TM9SF4: variants seen among roughly 807,000 people sequenced by gnomAD.
TM9SF4 encodes transmembrane 9 superfamily member 4.
Under a neutral mutation model 90.4 loss-of-function variants are expected in TM9SF4, and 26 were observed. The observed-to-expected ratio is 0.29, with a 90% confidence interval of 0.21 to 0.40. The LOEUF (loss-of-function observed/expected upper bound fraction) is 0.40. TM9SF4 is among the 10% of genes least tolerant of loss of function. The pLI, the probability that TM9SF4 is intolerant of heterozygous loss-of-function variation, is 1.00. For synonymous variants in TM9SF4, 293 were observed against 315.4 expected (o/e 0.93, Z 0.75); for missense variants, 549 against 834.8 (o/e 0.66, Z 4.22).
At chr20:32,126,395 T>C (rs1216324829) in intron 1 of TM9SF4, among the ~76,000 whole-genome samples, 3 of 152,236 alleles carry the variant, frequency 2.0e-5, no homozygotes, top group Non-Finnish European at 4.4e-5. Flanking sequence ...CAAAAACTCA[T>C]AGTTGCCACC....
At chr20:32,109,872 T>C in intron 1 of TM9SF4, 117 bp downstream of exon 1, 2 of 1,530,482 alleles carry the variant, frequency 1.3e-6, no homozygotes, top group Non-Finnish European at 1.8e-6. Flanking sequence ...GACTCAGGCC[T>C]GAGGGCTACC....
chr20:32,110,009 G>A (rs1428833171), intron 1 of TM9SF4: 3 of 1,400,856 alleles, frequency 2.1e-6, no homozygotes, highest in East Asian at 2.6e-5. Context: ...GCCTTCGCCG[G>A]TTCCCATTCT....
chr20:32,133,400 T>C (rs1224227828), intron 2 of TM9SF4, among the ~76,000 whole-genome samples: 2 of 152,154 alleles, frequency 1.3e-5, no homozygotes, highest in Non-Finnish European at 2.9e-5. Flanking sequence ...TCTGTCTCTG[T>C]CATGTATGTG....
At chr20:32,155,363 G>A (rs533425718) in intron 13 of TM9SF4, among the ~76,000 whole-genome samples, 177 bp downstream of exon 13, 3 of 152,354 alleles carry the variant, frequency 2.0e-5, no homozygotes, top group East Asian at 3.9e-4. Flanking sequence ...TGCCCTTGGT[G>A]TGTCATGCCC....
intron 3 of TM9SF4, 117 bp downstream of exon 3, chr20:32,136,290 C>T: frequency 2.1e-6 from 2 of 946,914 alleles, no homozygotes; most frequent in South Asian, 1.6e-5. Context: ...ACATTGTTTG[C>T]ATACCTGTTA....
At chr20:32,146,964 C>A in intron 9 of TM9SF4, 109 bp downstream of exon 9, 10 of 1,003,188 alleles carry the variant, frequency 1.0e-5, no homozygotes, top group African/African-American at 1.7e-5. Context: ...CCTCAAAATA[C>A]TAAAACAGTT....
intron 1 of TM9SF4, among the ~76,000 whole-genome samples, chr20:32,118,242 G>T (rs1338220792): frequency 6.6e-6 from 1 of 152,060 alleles, no homozygotes; most frequent in Non-Finnish European, 1.5e-5. Flanking sequence ...AGAGGGATTT[G>T]TGACACCCTC....
At chr20:32,126,816 A>C (rs1038299849) in intron 1 of TM9SF4, among the ~76,000 whole-genome samples, 2 of 151,702 alleles carry the variant, frequency 1.3e-5, no homozygotes, top group African/African-American at 4.8e-5. Context: ...GCTCACTGCA[A>C]CCTGCGCCTC....
intron 2 of TM9SF4, among the ~76,000 whole-genome samples, chr20:32,135,336 A>G (rs2046579235): frequency 6.6e-6 from 1 of 152,198 alleles, no homozygotes; most frequent in Non-Finnish European, 1.5e-5. Flanking sequence ...CATTCAGCAA[A>G]CATTTAATGA....
At chr20:32,121,952 C>T (rs1178796973) in intron 1 of TM9SF4, among the ~76,000 whole-genome samples, 42 of 142,890 alleles carry the variant, frequency 2.9e-4, no homozygotes, top group East Asian at 6.5e-4. Flanking sequence ...AGCTCCCTCC[C>T]GGACGGGGCG....
intron 1 of TM9SF4, among the ~76,000 whole-genome samples, chr20:32,129,532 A>T (rs1600800254): frequency 6.6e-6 from 1 of 152,306 alleles, no homozygotes; most frequent in South Asian, 2.1e-4. Flanking sequence ...ATGACCATTT[A>T]AATGGACATA....
intron 14 of TM9SF4, 105 bp from the exon 15 acceptor site, chr20:32,158,346 C>A: frequency 9.1e-7 from 1 of 1,098,540 alleles, no homozygotes; most frequent in Non-Finnish European, 1.4e-6. Context: ...GAATTAGCAC[C>A]ACCACACTCG....
intron 1 of TM9SF4, among the ~76,000 whole-genome samples, chr20:32,119,078 G>A (rs1016546554): frequency 2.6e-5 from 4 of 152,136 alleles, no homozygotes; most frequent in East Asian, 1.9e-4. Context: ...TGGATCAGGC[G>A]CAGTGGCTCA....
chr20:32,121,845 C>T (rs2046313848), intron 1 of TM9SF4, among the ~76,000 whole-genome samples: 1 of 150,078 alleles, frequency 6.7e-6, no homozygotes, highest in Non-Finnish European at 1.5e-5. Flanking sequence ...AACCCCCCAC[C>T]TCCCTCCCGG....
intron 1 of TM9SF4, among the ~76,000 whole-genome samples, chr20:32,122,743 T>C (rs1248611848): frequency 6.6e-6 from 1 of 150,550 alleles, no homozygotes; most frequent in East Asian, 2.0e-4. Context: ...CAGGCAAAGA[T>C]GCTCCTCACT....
At chr20:32,140,177 T>A (rs1484385510) in intron 3 of TM9SF4, among the ~76,000 whole-genome samples, 8 of 152,194 alleles carry the variant, frequency 5.3e-5, no homozygotes, top group African/African-American at 1.7e-4. Flanking sequence ...ACCAAGTGCA[T>A]GTGGAGGTGT....
At chr20:32,136,313 C>T in intron 3 of TM9SF4, 140 bp downstream of exon 3, 1 of 769,676 alleles carries the variant, frequency 1.3e-6, no homozygotes, top group Non-Finnish European at 2.1e-6. Flanking sequence ...TTATTTAAAC[C>T]TCATAACAGC....
Position 32,150,781 on chromosome 20 carries a change from C to T in TM9SF4, c.1170-19C>T, listed in dbSNP as rs961274593. On this transcript the variant is annotated intron_variant, in intron 11 of 17. Coordinates refer to ENST00000398022, the MANE Select transcript of TM9SF4 (RefSeq NM_014742.4). ...GCTAATGGGTCCCCTTGGTGTGGATCCCTGCCATTTTCCCACAGGGTGTTT... is the reference window on the plus strand; with the variant it reads ...GCTAATGGGTCCCCTTGGTGTGGATTCCTGCCATTTTCCCACAGGGTGTTT... The T allele has an allele frequency of 1.9e-6, 3 of 1,614,242 alleles. No individual in the cohort carries two copies. The highest frequency in any genetic ancestry group is 1.3e-5 in the African/African-American group (1 of 75,060).
intron 17 of TM9SF4, among the ~76,000 whole-genome samples, chr20:32,165,002 T>C (rs544605597): frequency 1.3e-3 from 199 of 151,810 alleles, no homozygotes; most frequent in African/African-American, 4.7e-3. Context: ...AGTGTTGCCA[T>C]ACTGATCTGG....
Sources: gnomAD v4.1 joint callset for allele counts (sites outside exome capture counted in the v4.1 genomes callset) on GRCh38, gnomAD v4.1.1 for gene constraint, MANE v1.5 for transcripts, NCBI Gene and HGNC (gene_info 2026-07-23, HGNC 2026-07-21) for gene names.